Variants in ANO1 observed in about 807,000 individuals in gnomAD.
ANO1 encodes anoctamin 1, also known as anoctamin-1.
ANO1 carries 59 observed loss-of-function variants against 124.0 expected under a neutral mutation model. The observed-to-expected ratio is 0.48, with a 90% confidence interval of 0.39 to 0.59. The LOEUF is 0.59. ANO1 is among the 20% of genes least tolerant of loss of function. The pLI, the probability that ANO1 is intolerant of heterozygous loss-of-function variation, is 0.00. For missense variants in ANO1, 1,059 were observed against 1,328.0 expected (o/e 0.80, Z 3.15); for synonymous variants, 529 against 532.0 (o/e 0.99, Z 0.08).
intron 1 of ANO1, among the ~76,000 whole-genome samples, chr11:70,067,341 T>G (rs1857754912): frequency 6.7e-6 from 1 of 150,076 alleles, no homozygotes; most frequent in Non-Finnish European, 1.5e-5. Flanking sequence ...TTTTTTTTTT[T>G]TTTTGAGACG....
In ANO1 at chr11:70,180,011, G is replaced by T; in HGVS notation, c.2358G>T (p.Trp786Cys). ...GACTTCTTCTTCCCCCAGGAATCTG[G>T]TACAATATCCTCAGAGGCATTGGGA... Reference protein sequence around the residue: ...VAVRAKDIGIWYNILRGIGKL... With the variant: ...VAVRAKDIGICYNILRGIGKL... The change falls in exon 23 of 26, where the codon TGG becomes TGT. Residue 786 changes from tryptophan (W) to cysteine (C), a missense_variant. Transcript: ENST00000355303. 1 of 1,612,898 alleles carries T rather than the reference G, an allele frequency of 6.2e-7. No homozygotes were observed. The highest frequency in any genetic ancestry group is 8.5e-7 in the Non-Finnish European group (1 of 1,178,972).
At chr11:70,020,954 A>G (rs1555002573) in intron 1 of ANO1, 1 of 152,254 alleles carries the variant, frequency 6.6e-6, no homozygotes, top group Non-Finnish European at 1.5e-5. Flanking sequence ...CGTAACTGCT[A>G]CTTACCGAGA....
intron 2 of ANO1, among the ~76,000 whole-genome samples, chr11:70,088,432 C>A (rs868478182): frequency 1.2e-4 from 18 of 150,792 alleles, no homozygotes; most frequent in African/African-American, 4.1e-4. Context: ...TCACTTGAAC[C>A]CAGGAGGCAG....
the ANO1 span, among the ~76,000 whole-genome samples, chr11:69,967,231 A>G: frequency 0.6 from 80,253 of 134,144 alleles, 24,005 homozygotes; most frequent in South Asian, 0.76. Context: ...CGCCCGTATC[A>G]CACGTTAGCT....
upstream of ANO1, among the ~76,000 whole-genome samples, chr11:70,073,367 T>C (rs1555009586): frequency 2.6e-5 from 4 of 152,180 alleles, no homozygotes; most frequent in Non-Finnish European, 2.9e-5. Flanking sequence ...CCCAGGAGGG[T>C]GCGTCCGTCC....
intron 1 of ANO1, among the ~76,000 whole-genome samples, chr11:70,005,387 C>G (rs1459313819): frequency 6.6e-6 from 1 of 152,142 alleles, no homozygotes; most frequent in African/African-American, 2.4e-5. Context: ...GCTTCAGAAC[C>G]AGGGAGGAGA....
At chr11:70,018,585 C>A (rs1555002270) in intron 1 of ANO1, among the ~76,000 whole-genome samples, 1 of 152,152 alleles carries the variant, frequency 6.6e-6, no homozygotes. Context: ...CTGCCCAGAC[C>A]CTTCCAGACT....
At chr11:70,107,422 A>G (rs2045590809) in intron 5 of ANO1, among the ~76,000 whole-genome samples, 1 of 147,662 alleles carries the variant, frequency 6.8e-6, no homozygotes, top group Admixed American at 6.8e-5. Context: ...TGGCTGCAGG[A>G]GTGAGTTTGG....
intron 9 of ANO1, among the ~76,000 whole-genome samples, chr11:70,125,033 C>T (rs923463531): frequency 1.7e-4 from 26 of 152,326 alleles, no homozygotes; most frequent in Admixed American, 5.2e-4. Flanking sequence ...AAAGCGCCCA[C>T]CTTCCCAAGG....
intron 11 of ANO1, among the ~76,000 whole-genome samples, chr11:70,147,471 C>T (rs928382816): frequency 3.3e-5 from 5 of 152,318 alleles, no homozygotes; most frequent in South Asian, 2.1e-4. Context: ...GTGCTCAGTG[C>T]GTGTCTGCTG....
intron 16 of ANO1, among the ~76,000 whole-genome samples, chr11:70,158,764 C>T (rs542277278): frequency 3.3e-5 from 5 of 152,300 alleles, no homozygotes; most frequent in East Asian, 1.9e-4. Flanking sequence ...GGACGCTGGC[C>T]GACATAAAGA....
chr11:70,116,236 G>C (rs1488486822), intron 7 of ANO1, among the ~76,000 whole-genome samples: 1 of 152,208 alleles, frequency 6.6e-6, no homozygotes, highest in Admixed American at 6.5e-5. Flanking sequence ...CGTCCTGGTG[G>C]TGGAGGCCAA....
the ANO1 span, among the ~76,000 whole-genome samples, chr11:69,972,331 T>C: frequency 2.0e-5 from 3 of 152,022 alleles, no homozygotes; most frequent in African/African-American, 7.2e-5. Context: ...AGACTGTCTT[T>C]GAAATGAGTG....
intron 16 of ANO1, among the ~76,000 whole-genome samples, chr11:70,160,920 C>G (rs7932334): frequency 0.3 from 46,254 of 152,180 alleles, 8,208 homozygotes; most frequent in East Asian, 0.51. Flanking sequence ...TCTACGTAAC[C>G]TCTCTGAACC....
chr11:70,020,504 G>T (rs61479131), intron 1 of ANO1, among the ~76,000 whole-genome samples: 2,407 of 152,316 alleles, frequency 0.016, 61 homozygotes, highest in African/African-American at 0.055. Flanking sequence ...AGGAAAAGCA[G>T]CACCTCCCTC....
chr11:70,136,644 G>A (rs2046965948), intron 11 of ANO1, among the ~76,000 whole-genome samples: 1 of 147,314 alleles, frequency 6.8e-6, no homozygotes, highest in African/African-American at 2.4e-5. Context: ...TTCCTGGTGA[G>A]GTCAGGTGCC....
At chr11:70,071,033 T>A (rs1023205376) in intron 1 of ANO1, among the ~76,000 whole-genome samples, 1 of 152,190 alleles carries the variant, frequency 6.6e-6, no homozygotes, top group Admixed American at 6.5e-5. Context: ...CATGGTAGGA[T>A]CCCTGGGAGG....
At chr11:70,032,650 C>A (rs1301296460) in intron 1 of ANO1, among the ~76,000 whole-genome samples, 1 of 152,086 alleles carries the variant, frequency 6.6e-6, no homozygotes, top group African/African-American at 2.4e-5. Flanking sequence ...AGACGAGGCC[C>A]CCGGACTGTG....
chr11:70,031,964 C>T (rs919765852), intron 1 of ANO1, among the ~76,000 whole-genome samples: 9 of 152,144 alleles, frequency 5.9e-5, no homozygotes, highest in Non-Finnish European at 1.0e-4. Context: ...CCCCTCCTCA[C>T]GGTCCATCAT....
Sources: gnomAD v4.1 joint callset for allele counts (sites outside exome capture counted in the v4.1 genomes callset) on GRCh38, gnomAD v4.1.1 for gene constraint, MANE v1.5 for transcripts, NCBI Gene and HGNC (gene_info 2026-07-23, HGNC 2026-07-21) for gene names.